RBFOX1: variants seen among roughly 807,000 people sequenced by gnomAD.
RBFOX1 encodes RNA binding protein fox-1 homolog 1.
In RBFOX1, 8 loss-of-function variants were observed where a neutral mutation model predicts 57.7. The ratio of observed to expected loss-of-function variants is 0.14; its 90% CI spans 0.08 to 0.25. The LOEUF is 0.25. Among genes scored for constraint, RBFOX1 ranks in the 10% least tolerant of loss-of-function variants. The probability of loss-of-function intolerance (pLI) is 1.00; values close to 1 mark genes in which losing one functional copy is unlikely to be tolerated. For synonymous variants in RBFOX1, 326 were observed against 222.4 expected, an observed-to-expected ratio of 1.47 and a Z score of -4.15; for missense variants, 611 against 548.5, an observed-to-expected ratio of 1.11 and a Z score of -1.14.
intron 2 of RBFOX1, among the ~76,000 whole-genome samples, chr16:6,603,352 A>G (rs887859): frequency 0.013 from 2,014 of 152,346 alleles, 37 homozygotes; most frequent in South Asian, 0.046. Context: ...AGCTTGATGT[A>G]TACAACTAAA....
intron 2 of RBFOX1, among the ~76,000 whole-genome samples, chr16:6,588,647 G>C (rs1342833133): frequency 2.6e-5 from 4 of 152,176 alleles, no homozygotes; most frequent in Admixed American, 6.5e-5. Flanking sequence ...GTGAGACTAA[G>C]TCTGAAAAAC....
intron 2 of RBFOX1, among the ~76,000 whole-genome samples, chr16:6,442,530 C>A (rs532973316): frequency 1.3e-5 from 2 of 151,286 alleles, no homozygotes; most frequent in South Asian, 2.1e-4. Flanking sequence ...GCACTCCAGC[C>A]TGGGAGAAAG....
In RBFOX1 at chr16:6,019,849, TTGCGGACAG is replaced by T; in HGVS notation, c.-265_-257del. ...GGGCGGGGCTGACCTGCCCGCGAAGTTGCGGACAGTGCGTGAGAAACCAGCACCCCCTTC... is the reference window on the plus strand; with the variant it reads ...GGGCGGGGCTGACCTGCCCGCGAAGTTGCGTGAGAAACCAGCACCCCCTTC... On this transcript the variant is annotated 5_prime_UTR_variant, in exon 1 of 16. Transcript: ENST00000550418. This position sits in a 1 kb window ranked among gnomAD's most constrained non-coding sequence, Gnocchi z 4.2. The T allele has an allele frequency of 6.5e-7, 1 of 1,529,908 alleles. No homozygotes were observed. Among genetic ancestry groups the T allele is most frequent in the East Asian group, 2.5e-5 (1 of 40,550 alleles). The allele number at this position is 1,529,908 out of a possible 1,614,324, so 94.8% of individuals were successfully genotyped here. A position where few individuals can be genotyped will look rare whatever the true frequency, so the allele number is the denominator to read the frequency against.
intron 3 of RBFOX1, among the ~76,000 whole-genome samples, chr16:6,887,624 A>T (rs976792855): frequency 2.0e-5 from 3 of 150,754 alleles, no homozygotes; most frequent in Non-Finnish European, 3.0e-5. Context: ...TAGTAACCCT[A>T]GTTTTAGAAG....
intron 3 of RBFOX1, among the ~76,000 whole-genome samples, chr16:6,966,926 TCC>T (rs2084370353): frequency 1.3e-5 from 2 of 149,852 alleles, no homozygotes; most frequent in Non-Finnish European, 2.9e-5. Context: ...CATCCATCCA[TCC>T]ATCCATCCAT....
intron 4 of RBFOX1, among the ~76,000 whole-genome samples, chr16:7,088,798 C>T (rs1249024270): frequency 1.3e-5 from 2 of 152,096 alleles, no homozygotes; most frequent in African/African-American, 4.8e-5. Flanking sequence ...GCAGGTGTTC[C>T]CTGCTTTGCC....
intron 1 of RBFOX1, among the ~76,000 whole-genome samples, chr16:5,358,561 C>T (rs966632780): frequency 3.9e-5 from 6 of 152,128 alleles, no homozygotes; most frequent in African/African-American, 1.2e-4. Flanking sequence ...CTTAAAAATG[C>T]ACCTGTAATC....
upstream of RBFOX1, among the ~76,000 whole-genome samples, chr16:6,014,375 A>G (rs1414899124): frequency 1.3e-5 from 2 of 152,212 alleles, no homozygotes; most frequent in Non-Finnish European, 2.9e-5. Flanking sequence ...TTACTATTTC[A>G]AAGACACATT....
intron 3 of RBFOX1, among the ~76,000 whole-genome samples, chr16:6,790,374 G>A (rs1056811960): frequency 2.0e-5 from 3 of 151,786 alleles, no homozygotes; most frequent in African/African-American, 7.3e-5. Context: ...TAGTAGAGAT[G>A]GGGTTTCACC....
chr16:6,872,230 G>C (rs1319846869), intron 3 of RBFOX1, among the ~76,000 whole-genome samples: 4 of 152,128 alleles, frequency 2.6e-5, no homozygotes, highest in African/African-American at 2.4e-5. Context: ...GCACATAGTA[G>C]AGATTTAATA....
intron 3 of RBFOX1, among the ~76,000 whole-genome samples, chr16:6,779,625 C>A (rs868484430): frequency 6.9e-6 from 1 of 145,952 alleles, no homozygotes; most frequent in Non-Finnish European, 1.5e-5. Flanking sequence ...AACTTACGTT[C>A]CCACCAATAG....
At position 6,145,365 on chromosome 16, in the gene RBFOX1, C is replaced by G. The variant is rs116921542; in HGVS notation, c.-127+125373C>G. 8.0e-4 allele frequency among the ~76,000 whole-genome samples: 121 copies of G among 152,166 alleles called. 1 individual carries two copies. In the East Asian group the frequency reaches 0.021, roughly 27 times the overall value. On this transcript the variant is annotated intron_variant, in intron 1 of 15. Transcript: ENST00000550418. ...TCCATGTCCCTGCAAAAGACACAAT[C>G]TTGTTTTTTTTAATGGCTGCATAGT...
intron 1 of RBFOX1, among the ~76,000 whole-genome samples, chr16:6,140,927 C>G (rs774629380): frequency 1.3e-5 from 2 of 152,214 alleles, no homozygotes; most frequent in Non-Finnish European, 2.9e-5. Context: ...AAGGGACACT[C>G]CAGTGGTCAA....
intron 3 of RBFOX1, among the ~76,000 whole-genome samples, chr16:5,861,775 G>T (rs927085827): frequency 3.3e-5 from 5 of 152,180 alleles, no homozygotes; most frequent in Admixed American, 1.3e-4. Context: ...GTTGCAAAGT[G>T]CAAAGGATGT....
At chr16:6,968,902 A>C (rs965662509) in intron 3 of RBFOX1, among the ~76,000 whole-genome samples, 14 of 151,684 alleles carry the variant, frequency 9.2e-5, no homozygotes, top group African/African-American at 2.9e-4. Flanking sequence ...GTCAGGATTC[A>C]CATAATAAGC....
intron 4 of RBFOX1, among the ~76,000 whole-genome samples, chr16:7,140,826 C>G (rs2073560459): frequency 6.6e-6 from 1 of 151,734 alleles, no homozygotes; most frequent in Non-Finnish European, 1.5e-5. Flanking sequence ...TTCAAAGATC[C>G]ACACCTCTTG....
chr16:7,062,636 G>A (rs2054736656), intron 4 of RBFOX1, among the ~76,000 whole-genome samples: 1 of 152,162 alleles, frequency 6.6e-6, no homozygotes, highest in African/African-American at 2.4e-5. Context: ...TGTGGATATG[G>A]CCAAGGCAGG....
chr16:6,328,723 G>A (rs924446037), intron 2 of RBFOX1, among the ~76,000 whole-genome samples: 1 of 149,492 alleles, frequency 6.7e-6, no homozygotes, highest in Admixed American at 6.8e-5. Flanking sequence ...CTCTTGTGAA[G>A]ATTAAATAAA....
At chr16:6,463,698 C>G (rs2094972759) in intron 2 of RBFOX1, among the ~76,000 whole-genome samples, 1 of 152,172 alleles carries the variant, frequency 6.6e-6, no homozygotes, top group Non-Finnish European at 1.5e-5. Context: ...CTCTTACAGC[C>G]ATGTTTAGCT....
Sources: allele counts gnomAD v4.1 joint callset (sites outside exome capture counted in the v4.1 genomes callset), GRCh38; gene constraint gnomAD v4.1.1; non-coding constraint Gnocchi (gnomAD v3.1); transcripts MANE v1.5; gene names NCBI Gene and HGNC (gene_info 2026-07-23, HGNC 2026-07-21).